MYO1H: variants seen among roughly 807,000 people sequenced by gnomAD.
The protein encoded by MYO1H is unconventional myosin-Ih.
A neutral mutation model predicts 149.3 loss-of-function variants in MYO1H; 118 were observed. The observed-to-expected ratio is 0.79, with a 90% CI of 0.68 to 0.92. The LOEUF (loss-of-function observed/expected upper bound fraction) is 0.92. MYO1H is among the 40% of genes least tolerant of loss of function. MYO1H has a pLI of 0.00. For missense variants in MYO1H, 1,212 were observed against 1,280.7 expected, an observed-to-expected ratio of 0.95 and a Z score of 0.82; for synonymous variants, 447 against 465.2, an observed-to-expected ratio of 0.96 and a Z score of 0.50.
chr12:109,311,402 G>A, the MYO1H span, among the ~76,000 whole-genome samples: 1 of 152,128 alleles, frequency 6.6e-6, no homozygotes, highest in African/African-American at 2.4e-5. Flanking sequence ...AACACCTACT[G>A]CTACAAAACC....
At chr12:109,350,756 A>G (rs372972458) in intron 1 of MYO1H, among the ~76,000 whole-genome samples, 10 of 152,226 alleles carry the variant, frequency 6.6e-5, no homozygotes, top group African/African-American at 1.7e-4. Flanking sequence ...TCCTGACTTT[A>G]TAACACATCA....
intron 3 of MYO1H, among the ~76,000 whole-genome samples, chr12:109,394,175 C>CTG: frequency 6.6e-6 from 1 of 152,210 alleles, no homozygotes; most frequent in Admixed American, 6.5e-5. Flanking sequence ...ATACTATAAG[C>CTG]TGACAGGGTA....
chr12:109,345,852 G>C (rs1158338059), upstream of MYO1H, among the ~76,000 whole-genome samples: 1 of 152,170 alleles, frequency 6.6e-6, no homozygotes, highest in Non-Finnish European at 1.5e-5. Flanking sequence ...AGTCATGAAA[G>C]GTCACATATT....
the MYO1H span, among the ~76,000 whole-genome samples, chr12:109,326,731 G>T: frequency 6.6e-6 from 1 of 151,910 alleles, no homozygotes; most frequent in Non-Finnish European, 1.5e-5. Flanking sequence ...CGTTGCCCAG[G>T]CTGGTCTCAA....
rs544747485 is a variant in MYO1H, at chr12:109,352,868, A to G, written c.12+4896A>G. On this transcript the variant is annotated intron_variant, in intron 1 of 31. Coordinates refer to ENST00000310903, the Ensembl canonical transcript of MYO1H. ...GTAAATAGTATATACAATCTAAAGC[A>G]CTAACCTTGGATATTTCATTTGGTA... Among the ~76,000 whole-genome samples, 3 of 152,250 alleles carry G rather than the reference A, an allele frequency of 2.0e-5. No individual in the cohort carries two copies. In the South Asian group the frequency reaches 6.2e-4, roughly 32 times the overall value.
chr12:109,411,918 C>A, exon 14 of MYO1H: 1 of 1,606,508 alleles, frequency 6.2e-7, no homozygotes, highest in Admixed American at 1.7e-5. Flanking sequence ...TCGGCCTGGT[C>A]CTGCTACAGA....
the MYO1H span, among the ~76,000 whole-genome samples, chr12:109,328,483 G>C: frequency 6.6e-5 from 10 of 152,066 alleles, no homozygotes; most frequent in African/African-American, 2.4e-4. Flanking sequence ...GGTTTGAGCT[G>C]TTACACCTGG....
At chr12:109,339,631 C>A in the MYO1H span, among the ~76,000 whole-genome samples, 4 of 152,154 alleles carry the variant, frequency 2.6e-5, no homozygotes, top group African/African-American at 9.7e-5. Flanking sequence ...ATATAAAGAG[C>A]TCTTGCAAAT....
chr12:109,427,970 C>T (rs1428893080), intron 19 of MYO1H, among the ~76,000 whole-genome samples: 2 of 122,976 alleles, frequency 1.6e-5, no homozygotes, highest in Admixed American at 8.7e-5. Context: ...CCTGTAGTCC[C>T]AGCTACTCAG....
exon 4 of MYO1H, chr12:109,396,397 G>A (rs1344005293): frequency 6.2e-6 from 10 of 1,609,652 alleles, no homozygotes; most frequent in South Asian, 1.1e-5. Flanking sequence ...CGCTATAGCC[G>A]ACAACGCTTA....
chr12:109,396,591 T>A lies in MYO1H; in HGVS notation c.489+9T>A. On this transcript the variant is annotated intron_variant, in intron 4 of 31. Transcript: ENST00000310903. ...CCAACCCAGTGCTGGAGGTAAGCGATCTCTGGGGACCAATCGAAGGGAGTT... is the reference window on the plus strand; with the variant it reads ...CCAACCCAGTGCTGGAGGTAAGCGAACTCTGGGGACCAATCGAAGGGAGTT... 6.2e-7 allele frequency: 1 copy of A among 1,606,276 alleles called. No homozygotes were observed. The highest frequency in any genetic ancestry group is 8.5e-7 in the Non-Finnish European group (1 of 1,175,778).
At chr12:109,360,231 C>T (rs908577269) in intron 1 of MYO1H, among the ~76,000 whole-genome samples, 5 of 151,628 alleles carry the variant, frequency 3.3e-5, no homozygotes, top group African/African-American at 7.3e-5. Context: ...TACTGGGGAA[C>T]GTATTGGGAT....
chr12:109,398,104 A>G (rs1869993674), intron 5 of MYO1H, among the ~76,000 whole-genome samples: 1 of 152,248 alleles, frequency 6.6e-6, no homozygotes, highest in African/African-American at 2.4e-5. Context: ...ATATTGGAAA[A>G]TTATTGGAAA....
chr12:109,350,846 A>G (rs543308137), intron 1 of MYO1H, among the ~76,000 whole-genome samples: 4 of 152,350 alleles, frequency 2.6e-5, no homozygotes, highest in African/African-American at 9.6e-5. Flanking sequence ...TAACAAAAAT[A>G]ATACAGAGAG....
the MYO1H span, among the ~76,000 whole-genome samples, chr12:109,312,107 A>G: frequency 1.1e-3 from 167 of 152,348 alleles, 1 homozygote; most frequent in Admixed American, 2.4e-3. Flanking sequence ...AGTTCCTCAC[A>G]TGCAATGTGT....
intron 1 of MYO1H, among the ~76,000 whole-genome samples, chr12:109,355,805 C>A (rs1286661784): frequency 6.6e-6 from 1 of 151,350 alleles, no homozygotes; most frequent in East Asian, 1.9e-4. Context: ...TGGCTCACTG[C>A]AACCTCTGAC....
At position 109,402,729 on chromosome 12, in the gene MYO1H, G is replaced by GT. The variant is rs200181959; in HGVS notation, c.751-1246dup. Among the ~76,000 whole-genome samples, 1,196 of 152,226 alleles carry GT rather than the reference G, an allele frequency of 7.9e-3. 7 individuals carry two copies. Among genetic ancestry groups the GT allele is most frequent in the Non-Finnish European group, 0.011 (782 of 68,004 alleles). The stretch of plus-strand genomic sequence containing the variant: ...GAACAAAGAATAAATCAAATGTGAT[G>GT]TTTTTTTCTTTTTGGAGGGCTTAAT... On this transcript the variant is annotated intron_variant, in intron 6 of 31. Transcript: ENST00000310903.
At chr12:109,393,606 T>C (rs1255690442) in intron 3 of MYO1H, among the ~76,000 whole-genome samples, 160 bp downstream of exon 3, 1 of 100,436 alleles carries the variant, frequency 1.0e-5, no homozygotes, top group Non-Finnish European at 2.1e-5. Flanking sequence ...CACCTATCCA[T>C]CCACCTATCT....
chr12:109,414,744 G>A (rs1870831645), intron 14 of MYO1H, among the ~76,000 whole-genome samples: 1 of 152,098 alleles, frequency 6.6e-6, no homozygotes, highest in African/African-American at 2.4e-5. Context: ...GTCTCACTCT[G>A]TTGCACAGGC....
Sources: gnomAD v4.1 joint callset for allele counts (sites outside exome capture counted in the v4.1 genomes callset) on GRCh38, gnomAD v4.1.1 for gene constraint, MANE v1.5 for transcripts, NCBI Gene and HGNC (gene_info 2026-07-23, HGNC 2026-07-21) for gene names.